TIMM9: variants seen among roughly 807,000 people sequenced by gnomAD.
The protein encoded by TIMM9 is translocase of inner mitochondrial membrane 9, also known as mitochondrial import inner membrane translocase subunit Tim9.
TIMM9 carries 10 observed loss-of-function variants against 13.4 expected under a neutral mutation model. The ratio of observed to expected loss-of-function variants is 0.75; its 90% CI spans 0.46 to 1.26. The LOEUF (loss-of-function observed/expected upper bound fraction) is 1.26, where lower values mean the gene tolerates loss of function less well. Among genes scored for constraint, TIMM9 ranks in the 50% most tolerant of loss-of-function variants. TIMM9 has a pLI of 0.00. For synonymous variants in TIMM9, 32 were observed against 32.1 expected (o/e 1.00, Z 0.01); for missense variants, 87 against 100.8 (o/e 0.86, Z 0.58).
chr14:58,427,391 C>T lies in TIMM9; in HGVS notation c.-304+1G>A. The T allele has an allele frequency of 2.0e-6, 1 of 503,074 alleles. No individual in the cohort carries two copies. Among genetic ancestry groups the T allele is most frequent in the Middle Eastern group, 5.3e-4 (1 of 1,900 alleles). 31.2% of individuals were successfully genotyped at this position (503,074 alleles called of 1,614,324 possible). A position where few individuals can be genotyped will look rare whatever the true frequency, so the allele number is the denominator to read the frequency against. ...CGAAACTTCTTGGAAGCCTAATTTACCTAATCCCACGTCCCTAACGGTCTT... is the reference window on the plus strand; with the variant it reads ...CGAAACTTCTTGGAAGCCTAATTTATCTAATCCCACGTCCCTAACGGTCTT... On this transcript the variant is annotated splice_donor_variant, in intron 1 of 5. Transcript: ENST00000395159. LOFTEE classifies it low-confidence loss of function (5UTR_SPLICE).
At chr14:58,411,223 G>A (rs993827144) in intron 4 of TIMM9, among the ~76,000 whole-genome samples, 3 of 152,034 alleles carry the variant, frequency 2.0e-5, no homozygotes, top group Non-Finnish European at 2.9e-5. Flanking sequence ...CGAGGTGGGC[G>A]GATTACCTGA....
Position 58,408,541 on chromosome 14 carries a change from G to A in TIMM9, c.*493C>T. On this transcript the variant is annotated 3_prime_UTR_variant, in exon 6 of 6. Coordinates refer to ENST00000395159, the MANE Select transcript of TIMM9 (RefSeq NM_012460.4). Reference sequence around the variant, plus strand: ...ATGTATTCACCAGCAATTTGAGGCAGACATGAATGAACAGGACTGCTTGGA... The same window carrying A: ...ATGTATTCACCAGCAATTTGAGGCAAACATGAATGAACAGGACTGCTTGGA... 1 of 1,613,880 alleles carries A rather than the reference G, an allele frequency of 6.2e-7. No individual in the cohort carries two copies. The highest frequency in any genetic ancestry group is 8.5e-7 in the Non-Finnish European group (1 of 1,179,928).
chr14:58,416,882 A>AG (rs1410119996), intron 3 of TIMM9, among the ~76,000 whole-genome samples: 6 of 152,036 alleles, frequency 3.9e-5, no homozygotes, highest in African/African-American at 1.4e-4. Flanking sequence ...CTGAGGTGGG[A>AG]GAATTCCTTG....
chr14:58,420,129 T>G (rs1157173680), intron 3 of TIMM9, among the ~76,000 whole-genome samples: 2 of 152,106 alleles, frequency 1.3e-5, no homozygotes, highest in Non-Finnish European at 1.5e-5. Flanking sequence ...AAAATCTGGC[T>G]TTAGGGCTAG....
intron 2 of TIMM9, among the ~76,000 whole-genome samples, chr14:58,424,688 C>T (rs1328271122): frequency 6.6e-6 from 1 of 151,684 alleles, no homozygotes; most frequent in Middle Eastern, 3.2e-3. Context: ...GGCAACATGG[C>T]AAAACCCCAT....
In TIMM9 at chr14:58,427,470, C is replaced by A. The variant is rs1176974705; in HGVS notation, c.-382G>T. On this transcript the variant is annotated 5_prime_UTR_variant, in exon 1 of 6. Coordinates refer to ENST00000395159, the MANE Select transcript of TIMM9 (RefSeq NM_012460.4). ...GGTAAACACAAGTAGTATTACAAGT[C>A]GGGAGCTCTTCAAGTCTTGGATGAG... 1.0e-5 allele frequency: 9 copies of A among 875,760 alleles called. No homozygotes were observed. Among genetic ancestry groups the A allele is most frequent in the Non-Finnish European group, 1.6e-5 (9 of 572,694 alleles). The allele number at this position is 875,760 out of a possible 1,614,324, so 54.2% of individuals were successfully genotyped here.
At position 58,408,805 on chromosome 14, in the gene TIMM9, C is replaced by T; in HGVS notation, c.*229G>A. The T allele has an allele frequency of 1.4e-6, 1 of 692,258 alleles. No homozygotes were observed. Among genetic ancestry groups the T allele is most frequent in the Non-Finnish European group, 2.3e-6 (1 of 432,830 alleles). 42.9% of individuals were successfully genotyped at this position (692,258 alleles called of 1,614,324 possible). Reference sequence around the variant, plus strand: ...ACCAAGCTGCTGAATCATAAGGCCTCAACAAATGTTGCATCTTATTATTTC... The same window carrying T: ...ACCAAGCTGCTGAATCATAAGGCCTTAACAAATGTTGCATCTTATTATTTC... On this transcript the variant is annotated 3_prime_UTR_variant, in exon 6 of 6. Coordinates refer to ENST00000395159, the MANE Select transcript of TIMM9 (RefSeq NM_012460.4).
intron 5 of TIMM9, 38 bp downstream of exon 5, chr14:58,410,805 A>G: frequency 7.0e-7 from 1 of 1,432,954 alleles, no homozygotes; most frequent in Non-Finnish European, 9.7e-7. Flanking sequence ...AGTGTTTATG[A>G]AGGCTTGTAG....
At chr14:58,414,054 G>T (rs1333802429) in intron 3 of TIMM9, among the ~76,000 whole-genome samples, 2 of 45,124 alleles carry the variant, frequency 4.4e-5, no homozygotes, top group Non-Finnish European at 9.7e-5. Flanking sequence ...ATAAAATAAA[G>T]CTGTTTGAAA....
intron 3 of TIMM9, among the ~76,000 whole-genome samples, chr14:58,421,531 T>C (rs972132399): frequency 2.6e-5 from 4 of 152,176 alleles, no homozygotes; most frequent in Non-Finnish European, 5.9e-5. Context: ...ACCTTTGTGT[T>C]AATTGTTGGA....
chr14:58,409,505 T>C (rs565469285), intron 5 of TIMM9, among the ~76,000 whole-genome samples: 2 of 152,338 alleles, frequency 1.3e-5, no homozygotes, highest in South Asian at 4.1e-4. Flanking sequence ...GTAGACCCAG[T>C]AGTAAGTTTG....
chr14:58,426,173 T>A (rs1019274081), intron 2 of TIMM9, among the ~76,000 whole-genome samples: 5 of 151,802 alleles, frequency 3.3e-5, no homozygotes, highest in African/African-American at 1.2e-4. Context: ...AAATAATAAT[T>A]AAAAGGGTCT....
In TIMM9 at chr14:58,408,929, A is replaced by G. The variant is rs2036118047; in HGVS notation, c.*105T>C. 6.7e-7 allele frequency: 1 copy of G among 1,486,400 alleles called. No homozygotes were observed. The highest frequency in any genetic ancestry group is 1.4e-5 in the African/African-American group (1 of 70,504). 92.1% of individuals were successfully genotyped at this position (1,486,400 alleles called of 1,614,324 possible). On this transcript the variant is annotated 3_prime_UTR_variant, in exon 6 of 6. Transcript: ENST00000395159. ...GCCAAACAGTCATGACAGATGGTTG[A>G]ACATGGTGGCTACTGCTTTCAGGGG... is the stretch of plus-strand genomic sequence containing the variant.
chr14:58,409,291 G>T, intron 5 of TIMM9, 123 bp from the exon 6 acceptor site: 1 of 1,076,506 alleles, frequency 9.3e-7, no homozygotes, highest in East Asian at 2.7e-5. Context: ...GAATTAAATA[G>T]TACTAATTGG....
chr14:58,415,520 A>C (rs1158918170), intron 3 of TIMM9, among the ~76,000 whole-genome samples: 1 of 152,238 alleles, frequency 6.6e-6, no homozygotes, highest in African/African-American at 2.4e-5. Context: ...AATAGAAGAT[A>C]TCAAGACCCA....
At chr14:58,423,428 C>G (rs1335289949) in intron 3 of TIMM9, among the ~76,000 whole-genome samples, 5 of 144,030 alleles carry the variant, frequency 3.5e-5, no homozygotes, top group African/African-American at 1.3e-4. Flanking sequence ...TGAGGCAGAA[C>G]TGCTTGAACC....
At position 58,408,549 on chromosome 14, in the gene TIMM9, T is replaced by C. The variant is rs549526864; in HGVS notation, c.*485A>G. ...ACCAGCAATTTGAGGCAGACATGAA[T>C]GAACAGGACTGCTTGGAGGATGATC... On this transcript the variant is annotated 3_prime_UTR_variant, in exon 6 of 6. Coordinates refer to ENST00000395159, the MANE Select transcript of TIMM9 (RefSeq NM_012460.4). The C allele has an allele frequency of 2.5e-6, 4 of 1,613,876 alleles. No individual in the cohort carries two copies. The highest frequency in any genetic ancestry group is 1.3e-5 in the African/African-American group (1 of 75,040).
At chr14:58,426,484 C>A (rs1380180626) in intron 2 of TIMM9, among the ~76,000 whole-genome samples, 1 of 152,080 alleles carries the variant, frequency 6.6e-6, no homozygotes, top group African/African-American at 2.4e-5. Flanking sequence ...GGATTACAGG[C>A]GTGAGCCACC....
At chr14:58,415,714 T>A (rs956497010) in intron 3 of TIMM9, among the ~76,000 whole-genome samples, 3 of 151,942 alleles carry the variant, frequency 2.0e-5, no homozygotes, top group African/African-American at 7.3e-5. Context: ...CTTGTAGAAG[T>A]ATAAAAAAGT....
Sources: allele counts gnomAD v4.1 joint callset (sites outside exome capture counted in the v4.1 genomes callset), GRCh38; gene constraint gnomAD v4.1.1; transcripts MANE v1.5; gene names NCBI Gene and HGNC (gene_info 2026-07-23, HGNC 2026-07-21).